The following LIMS1 variants were observed in gnomAD, a reference collection of about 807,000 sequenced individuals.
LIMS1 encodes the protein LIM zinc finger domain containing 1.
A neutral mutation model predicts 44.1 loss-of-function variants in LIMS1; 18 were observed. That is an observed-to-expected ratio of 0.41 (90% CI 0.28 to 0.61). The LOEUF is 0.61. LIMS1 is among the 20% of genes least tolerant of loss of function. The pLI is 0.32. For missense variants in LIMS1, 201 were observed against 422.0 expected (o/e 0.48, Z 4.59); for synonymous variants, 93 against 149.1 (o/e 0.62, Z 2.74).
At chr2:108,577,840 C>A (rs989844560) in intron 1 of LIMS1, among the ~76,000 whole-genome samples, 4 of 152,140 alleles carry the variant, frequency 2.6e-5, no homozygotes, top group Non-Finnish European at 5.9e-5. Context: ...TAAAGTCTTG[C>A]CCATCTGTTC....
At chr2:108,662,182 C>T (rs765666637) in intron 2 of LIMS1, 1 of 1,612,020 alleles carries the variant, frequency 6.2e-7, no homozygotes, top group Non-Finnish European at 8.5e-7. Flanking sequence ...CACCCTGTAG[C>T]TCCAGCCCTC....
chr2:108,685,881 A>G (rs1488374564), exon 10 of LIMS1: 1 of 152,136 alleles, frequency 6.6e-6, no homozygotes, highest in Non-Finnish European at 1.5e-5. Context: ...AGAAATATGG[A>G]GGAGAAAAAC....
At chr2:108,651,652 A>G (rs982441852) in intron 1 of LIMS1, among the ~76,000 whole-genome samples, 1 of 151,982 alleles carries the variant, frequency 6.6e-6, no homozygotes, top group African/African-American at 2.4e-5. Flanking sequence ...CCCTCATTAA[A>G]ATAGTCACAG....
intron 1 of LIMS1, among the ~76,000 whole-genome samples, chr2:108,644,145 C>G (rs879619256): frequency 6.6e-6 from 1 of 152,194 alleles, no homozygotes; most frequent in South Asian, 2.1e-4. Flanking sequence ...CCCAGCACAG[C>G]GTTCAAGCTC....
chr2:108,619,143 C>CA (rs892623203), intron 1 of LIMS1, among the ~76,000 whole-genome samples: 1 of 152,072 alleles, frequency 6.6e-6, no homozygotes, highest in Non-Finnish European at 1.5e-5. Flanking sequence ...CTTTAGTAGT[C>CA]ACCAAGTTGT....
chr2:108,541,536 T>C (rs976300103), intron 1 of LIMS1, among the ~76,000 whole-genome samples: 3 of 152,208 alleles, frequency 2.0e-5, no homozygotes, highest in African/African-American at 7.2e-5. Context: ...TGGTCACATG[T>C]TTTCAAAATA....
intron 1 of LIMS1, among the ~76,000 whole-genome samples, chr2:108,544,257 G>A (rs1684411756): frequency 6.6e-6 from 1 of 152,172 alleles, no homozygotes; most frequent in South Asian, 2.1e-4. Context: ...TTGGAATGTT[G>A]TAGGGAAAAT....
rs1186287419 is a variant in LIMS1, at chr2:108,655,015, T to A, written c.33-4590T>A. 4.3e-6 allele frequency: 7 copies of A among 1,610,098 alleles called. No individual in the cohort carries two copies. The African/African-American group carries it at 9.4e-5, about 22-fold the overall frequency. ...GAAGCAGGGAGGCCTGGATATTGTTTCTCCTGGCTCTGTGTCCTGCCATTC... is the reference window on the plus strand; with the variant it reads ...GAAGCAGGGAGGCCTGGATATTGTTACTCCTGGCTCTGTGTCCTGCCATTC... On this transcript the variant is annotated intron_variant, in intron 1 of 9. Coordinates refer to ENST00000544547, the Ensembl canonical transcript of LIMS1.
intron 1 of LIMS1, among the ~76,000 whole-genome samples, chr2:108,610,038 G>C (rs2104750016): frequency 6.6e-6 from 1 of 152,164 alleles, no homozygotes; most frequent in Non-Finnish European, 1.5e-5. Context: ...AGCTACTTGG[G>C]AGGCTGAGGC....
rs1558839290 is a variant in LIMS1 at position 108,670,772 on chromosome 2, C to T, written c.193-9C>T. ...CGTGTTTGTAAGTTGGTGGTACCCT[C>T]TCTTTCAGTTTGAAGGAAGAAAGTA... On this transcript the variant is annotated splice_polypyrimidine_tract_variant and intron_variant, in intron 2 of 9. Coordinates refer to ENST00000544547, the Ensembl canonical transcript of LIMS1. 6.2e-7 allele frequency: 1 copy of T among 1,611,808 alleles called. No individual in the cohort carries two copies. Among genetic ancestry groups the T allele is most frequent in the Non-Finnish European group, 8.5e-7 (1 of 1,179,844 alleles).
At chr2:108,650,413 CTT>C (rs113015874) in intron 1 of LIMS1, among the ~76,000 whole-genome samples, 7 of 145,194 alleles carry the variant, frequency 4.8e-5, no homozygotes, top group Non-Finnish European at 7.6e-5. Flanking sequence ...CTTTTCTTTT[CTT>C]TTTTTTTTTT....
At chr2:108,545,898 T>G (rs760820167) in intron 1 of LIMS1, among the ~76,000 whole-genome samples, 1 of 152,198 alleles carries the variant, frequency 6.6e-6, no homozygotes, top group African/African-American at 2.4e-5. Context: ...CATTGAGGGT[T>G]TCAAAGATGG....
intron 2 of LIMS1, among the ~76,000 whole-genome samples, chr2:108,666,789 G>GA (rs769064603): frequency 3.6e-4 from 50 of 138,868 alleles, no homozygotes; most frequent in East Asian, 1.1e-3. Flanking sequence ...GACCGTTTCT[G>GA]AAAAAAAAAA....
chr2:108,586,435 A>G (rs1473117241), intron 1 of LIMS1, among the ~76,000 whole-genome samples: 1 of 152,224 alleles, frequency 6.6e-6, no homozygotes, highest in Non-Finnish European at 1.5e-5. Flanking sequence ...GAGTAAGCAT[A>G]TAGGTGGGAG....
chr2:108,682,394 C>T (rs1207805916), intron 9 of LIMS1, among the ~76,000 whole-genome samples: 2 of 151,848 alleles, frequency 1.3e-5, no homozygotes, highest in Non-Finnish European at 1.5e-5. Flanking sequence ...CAGATACTCG[C>T]GAGGCTGAGA....
chr2:108,571,761 A>C (rs1157526658), intron 1 of LIMS1, among the ~76,000 whole-genome samples: 2 of 152,222 alleles, frequency 1.3e-5, no homozygotes, highest in African/African-American at 4.8e-5. Flanking sequence ...AGTTTCTGAC[A>C]ATTTAGCACA....
intron 1 of LIMS1, among the ~76,000 whole-genome samples, chr2:108,538,545 G>A (rs1400641826): frequency 6.6e-6 from 1 of 152,182 alleles, no homozygotes; most frequent in Non-Finnish European, 1.5e-5. Flanking sequence ...AGCACACCAG[G>A]AATCCAGGGC....
At chr2:108,545,276 C>T (rs1684446674) in intron 1 of LIMS1, among the ~76,000 whole-genome samples, 1 of 152,168 alleles carries the variant, frequency 6.6e-6, no homozygotes, top group South Asian at 2.1e-4. Flanking sequence ...TTTTGTTGCC[C>T]AGGCAGGAGT....
intron 1 of LIMS1, among the ~76,000 whole-genome samples, chr2:108,603,527 C>CA (rs1687124048): frequency 9.1e-6 from 1 of 109,464 alleles, no homozygotes; most frequent in South Asian, 3.1e-4. Context: ...CCACTTGAGA[C>CA]AGAGTCTTGC....
Sources: allele counts gnomAD v4.1 joint callset (sites outside exome capture counted in the v4.1 genomes callset), GRCh38; gene constraint gnomAD v4.1.1; transcripts MANE v1.5; gene names NCBI Gene and HGNC (gene_info 2026-07-23, HGNC 2026-07-21).